Variants in FANCC observed in about 807,000 individuals in gnomAD.
The protein encoded by FANCC is FA complementation group C.
A neutral mutation model predicts 71.3 loss-of-function variants in FANCC; 55 were observed. That is an observed-to-expected ratio of 0.77 (90% CI 0.62 to 0.97). The LOEUF (loss-of-function observed/expected upper bound fraction) is 0.97, where lower values mean the gene tolerates loss of function less well. Ranked by LOEUF, FANCC falls within the 50% of genes least tolerant of loss-of-function variation. The pLI is 0.00. For synonymous variants in FANCC, 275 were observed against 244.9 expected (o/e 1.12, Z -1.15); for missense variants, 678 against 670.9 (o/e 1.01, Z -0.12).
intron 4 of FANCC, among the ~76,000 whole-genome samples, chr9:95,230,477 C>T (rs191449080): frequency 4.6e-5 from 7 of 152,222 alleles, no homozygotes; most frequent in East Asian, 1.9e-4. Context: ...TTCTCGGTCT[C>T]GCTGACTTCA....
At chr9:95,234,763 G>C (rs1397784602) in intron 4 of FANCC, among the ~76,000 whole-genome samples, 2 of 152,186 alleles carry the variant, frequency 1.3e-5, no homozygotes, top group Admixed American at 6.5e-5. Flanking sequence ...CAAATGCCCA[G>C]ATAACCAGGA....
In FANCC at chr9:95,240,659, G is replaced by A; in HGVS notation, c.335C>T (p.Ser112Phe). 1.9e-6 allele frequency: 3 copies of A among 1,604,462 alleles called. No individual in the cohort carries two copies. Among genetic ancestry groups the A allele is most frequent in the Non-Finnish European group, 2.6e-6 (3 of 1,171,438 alleles). Residue 112 changes from serine to phenylalanine, a missense_variant, in exon 4 of 15, where the codon TCC becomes TTC. Coordinates refer to ENST00000289081, the MANE Select transcript of FANCC (RefSeq NM_000136.3). ...PQNSGQSKLN[S>F]WIQGVLSHIL... ...GATTTACTCTCTTACCTGTATCCAG[G>A]AGTTAAGTTTTGATTGTCCAGAATT...
At chr9:95,119,887 T>C (rs999121473) in intron 10 of FANCC, among the ~76,000 whole-genome samples, 7 of 152,140 alleles carry the variant, frequency 4.6e-5, no homozygotes, top group Admixed American at 6.5e-5. Context: ...AAATTTTGTA[T>C]TTTTTGTAGA....
chr9:95,123,465 C>T (rs755642861), intron 10 of FANCC: 6 of 461,726 alleles, frequency 1.3e-5, no homozygotes, highest in African/African-American at 4.0e-5. Context: ...CATGGTGAAA[C>T]CCCATCTCTA....
intron 4 of FANCC, among the ~76,000 whole-genome samples, chr9:95,187,017 G>A (rs1432100112): frequency 6.6e-6 from 1 of 152,050 alleles, no homozygotes. Flanking sequence ...CCTTACCTCA[G>A]GTGCCTTGAC....
intron 8 of FANCC, among the ~76,000 whole-genome samples, chr9:95,134,652 T>C (rs945553225): frequency 1.6e-4 from 24 of 152,266 alleles, no homozygotes; most frequent in African/African-American, 5.8e-4. Flanking sequence ...TTGGTCTTTA[T>C]TCCTGTCCTT....
rs80056146 is a variant in FANCC, at chr9:95,267,084, A to G, written c.-78-17715T>C. Among the ~76,000 whole-genome samples, 509 of 152,302 alleles carry G rather than the reference A, an allele frequency of 3.3e-3. 9 individuals are homozygous for G. The East Asian group carries it at 0.044, about 13-fold the overall frequency. ...GAGGCAAGACCCCGAGGACAAAACC[A>G]TGAGCAGCCAGCCCCTCCTATGCTA... is the stretch of plus-strand genomic sequence containing the variant. On this transcript the variant is annotated intron_variant, in intron 1 of 14. Coordinates refer to ENST00000289081, the MANE Select transcript of FANCC (RefSeq NM_000136.3).
chr9:95,149,922 C>A lies in FANCC; in HGVS notation c.686+1G>T, dbSNP rs1057517125. 6.3e-7 allele frequency: 1 copy of A among 1,596,762 alleles called. No individual in the cohort carries two copies. The highest frequency in any genetic ancestry group is 2.2e-5 in the East Asian group (1 of 44,588). On this transcript the variant is annotated splice_donor_variant, in intron 7 of 14. Transcript: ENST00000289081. LOFTEE classifies it high-confidence loss of function. Reference sequence around the variant, plus strand: ...GATGACAGGAAACATTTGCCACTTACAGCAAAATGGCCTCGTTTACAGCCT... The same window carrying A: ...GATGACAGGAAACATTTGCCACTTAAAGCAAAATGGCCTCGTTTACAGCCT...
Position 95,191,113 on chromosome 9 carries a change from C to T in FANCC, c.346-18966G>A, listed in dbSNP as rs117508671. ...GCTTTCAAGACCATGAGATTTTGTA[C>T]AGTCCCATGATTGTGGATGCCATTT... On this transcript the variant is annotated intron_variant, in intron 4 of 14. Transcript: ENST00000289081. 3.3e-3 allele frequency among the ~76,000 whole-genome samples: 508 copies of T among 152,020 alleles called. 9 individuals are homozygous for T. In the East Asian group the frequency reaches 0.044, roughly 13 times the overall value.
chr9:95,111,039 T>C, intron 13 of FANCC: 1 of 1,456,908 alleles, frequency 6.9e-7, no homozygotes, highest in Non-Finnish European at 9.0e-7. Context: ...ACAGTCAAGA[T>C]GGAAGCAAGC....
At chr9:95,237,585 C>T (rs1830399654) in intron 4 of FANCC, among the ~76,000 whole-genome samples, 1 of 152,232 alleles carries the variant, frequency 6.6e-6, no homozygotes, top group East Asian at 1.9e-4. Context: ...GTGCAGTAAG[C>T]ACCAGGGAAT....
chr9:95,314,810 AG>A (rs898624279), intron 1 of FANCC, among the ~76,000 whole-genome samples: 1 of 152,210 alleles, frequency 6.6e-6, no homozygotes, highest in African/African-American at 2.4e-5. Context: ...AATACTGCTA[AG>A]AGAAATTAAA....
intron 6 of FANCC, among the ~76,000 whole-genome samples, chr9:95,167,485 G>A (rs1825377454): frequency 6.6e-6 from 1 of 152,024 alleles, no homozygotes; most frequent in Non-Finnish European, 1.5e-5. Flanking sequence ...AGGCTTTCTT[G>A]ACTTTCCTTC....
chr9:95,178,947 A>G (rs1345214953), intron 4 of FANCC, among the ~76,000 whole-genome samples: 1 of 152,232 alleles, frequency 6.6e-6, no homozygotes, highest in Non-Finnish European at 1.5e-5. Flanking sequence ...TTTATAAGAC[A>G]TCGACTTCCA....
intron 1 of FANCC, chr9:95,292,640 C>G (rs1834113442): frequency 7.1e-7 from 1 of 1,405,828 alleles, no homozygotes; most frequent in East Asian, 2.3e-5. Context: ...CCGCGCTCAA[C>G]ATGCACCTGG....
intron 1 of FANCC, among the ~76,000 whole-genome samples, chr9:95,311,771 A>C (rs565031198): frequency 1.3e-5 from 2 of 151,124 alleles, no homozygotes; most frequent in South Asian, 4.2e-4. Flanking sequence ...AAACTGTCTT[A>C]TGGGTAGTCA....
rs1009786509 is a variant in FANCC, at chr9:95,305,284, A to G, written c.-79+12242T>C. Among the ~76,000 whole-genome samples the G allele has an allele frequency of 7.2e-5, 11 of 152,322 alleles. No individual in the cohort carries two copies. In the South Asian group the frequency reaches 1.2e-3, roughly 17 times the overall value. The stretch of plus-strand genomic sequence containing the variant: ...CTGCATGCTCTTAAATTTGGCAAAC[A>G]TCATAGAAGACTTAATTGGAAATCA... On this transcript the variant is annotated intron_variant, in intron 1 of 14. Coordinates refer to ENST00000289081, the MANE Select transcript of FANCC (RefSeq NM_000136.3).
At chr9:95,266,530 T>C (rs1264824763) in intron 1 of FANCC, among the ~76,000 whole-genome samples, 2 of 152,228 alleles carry the variant, frequency 1.3e-5, no homozygotes, top group African/African-American at 4.8e-5. Context: ...TCTTTTATAA[T>C]ATCTCCCTAT....
At chr9:95,248,622 TAAA>T (rs923001286) in intron 2 of FANCC, among the ~76,000 whole-genome samples, 9 of 151,822 alleles carry the variant, frequency 5.9e-5, no homozygotes, top group African/African-American at 2.2e-4. Context: ...TCTATCATAA[TAAA>T]AGAAACATGA....
Sources: gnomAD v4.1 joint callset for allele counts (sites outside exome capture counted in the v4.1 genomes callset) on GRCh38, gnomAD v4.1.1 for gene constraint, MANE v1.5 for transcripts, NCBI Gene and HGNC (gene_info 2026-07-23, HGNC 2026-07-21) for gene names.